Variants in MYMX observed in about 807,000 individuals in gnomAD.
MYMX encodes myomixer, myoblast fusion factor, also known as protein myomixer.
At chr6:44,204,307 T>C in the MYMX span, among the ~76,000 whole-genome samples, 13 of 152,002 alleles carry the variant, frequency 8.6e-5, no homozygotes, top group Non-Finnish European at 1.6e-4. Flanking sequence ...TTAAATAGGA[T>C]GGTTGGGTAA....
At chr6:44,198,288 G>A in the MYMX span, among the ~76,000 whole-genome samples, 3 of 137,352 alleles carry the variant, frequency 2.2e-5, no homozygotes, top group Non-Finnish European at 4.7e-5. Context: ...TCAGCCTCCC[G>A]AGTAGCTGGG....
At chr6:44,193,844 C>T in the MYMX span, among the ~76,000 whole-genome samples, 12 of 152,196 alleles carry the variant, frequency 7.9e-5, no homozygotes, top group East Asian at 1.9e-3. Flanking sequence ...GTTAGCCGGG[C>T]GTGGTGGCAC....
At chr6:44,215,907 TAATA>T (rs1453836608), upstream of MYMX, among the ~76,000 whole-genome samples, 1 of 151,938 alleles carries the variant, frequency 6.6e-6, no homozygotes, top group Non-Finnish European at 1.5e-5. Context: ...ATAATAATAA[TAATA>T]AATAAATAAA....
In MYMX at chr6:44,217,984, C is replaced by T. The variant is rs1186729990; in HGVS notation, c.*258C>T. 1 of 338,492 alleles carries T rather than the reference C, an allele frequency of 3.0e-6. No individual in the cohort carries two copies. Among genetic ancestry groups the T allele is most frequent in the African/African-American group, 2.1e-5 (1 of 47,410 alleles). 21.0% of individuals were successfully genotyped at this position (338,492 alleles called of 1,614,324 possible). A position where few individuals can be genotyped will look rare whatever the true frequency, so the allele number is the denominator to read the frequency against. ...TCCTCCCAAAGACCACTCCTAATCA[C>T]CTCTGGCCTCAGGCGGGAGGGGAAC... On this transcript the variant is annotated 3_prime_UTR_variant, in exon 2 of 2. Transcript: ENST00000573382.
At chr6:44,194,629 G>T in the MYMX span, among the ~76,000 whole-genome samples, 1 of 152,162 alleles carries the variant, frequency 6.6e-6, no homozygotes, top group African/African-American at 2.4e-5. Context: ...GGGTGGAAAG[G>T]GGTCAGCTCT....
chr6:44,200,306 TTTTTA>T, the MYMX span, among the ~76,000 whole-genome samples: 2 of 152,128 alleles, frequency 1.3e-5, no homozygotes, highest in South Asian at 2.1e-4. Flanking sequence ...TGCCTAGTTT[TTTTTA>T]TTTTATTTTA....
Position 44,217,607 on chromosome 6 carries a change from C to A in MYMX, c.136C>A (p.Arg46=), listed in dbSNP as rs1370240821. The A allele has an allele frequency of 1.2e-5, 5 of 401,604 alleles. No individual in the cohort carries two copies. Among genetic ancestry groups the A allele is most frequent in the African/African-American group, 1.0e-4 (5 of 48,738 alleles). 24.9% of individuals were successfully genotyped at this position (401,604 alleles called of 1,614,324 possible). ...CCGCCGCCTGGGCTCCCAGGACATG[C>A]GAGAGGCTTTGCTGGGCTGTCTGCT... ...LARRLGSQDM[R]EALLGCLLFI... The change falls in exon 2 of 2, where the codon CGA becomes AGA. Residue 46 remains arginine (R), a synonymous_variant. Coordinates refer to ENST00000573382, the MANE Select transcript of MYMX (RefSeq NM_001315494.2).
chr6:44,210,066 C>G, the MYMX span: 1 of 149,604 alleles, frequency 6.7e-6, no homozygotes, highest in Non-Finnish European at 1.5e-5. Flanking sequence ...CTGCCTCAGC[C>G]TCCCGAGTAG....
chr6:44,193,020 G>T, the MYMX span, among the ~76,000 whole-genome samples: 695 of 152,178 alleles, frequency 4.6e-3, 5 homozygotes, highest in African/African-American at 0.016. Flanking sequence ...GCCCCAGCTG[G>T]AATTGGAACC....
the MYMX span, among the ~76,000 whole-genome samples, chr6:44,211,788 T>TGTGTGTGTGTGTGTGTGTGTGTGTG: frequency 7.9e-6 from 1 of 126,382 alleles, no homozygotes; most frequent in South Asian, 2.6e-4. Flanking sequence ...CAGCTAGGTT[T>TGTGTGTGTGTGTGTGTGTGTGTGTG]TGTGTGTGTG....
chr6:44,205,986 A>AAC, the MYMX span, among the ~76,000 whole-genome samples: 2 of 141,622 alleles, frequency 1.4e-5, no homozygotes, highest in Non-Finnish European at 3.1e-5. Context: ...TCTCAAAAAA[A>AAC]AAAAAACAAA....
the MYMX span, among the ~76,000 whole-genome samples, chr6:44,208,004 G>C: frequency 1.3e-5 from 2 of 152,164 alleles, no homozygotes; most frequent in African/African-American, 4.8e-5. Flanking sequence ...GAGACAGGTG[G>C]ATTGCTTGAG....
chr6:44,211,788 TTGTG>T, the MYMX span, among the ~76,000 whole-genome samples: 297 of 126,428 alleles, frequency 2.3e-3, 1 homozygote, highest in Non-Finnish European at 2.4e-3. Context: ...CAGCTAGGTT[TTGTG>T]TGTGTGTGTG....
chr6:44,194,707 C>G, the MYMX span, among the ~76,000 whole-genome samples: 1 of 152,190 alleles, frequency 6.6e-6, no homozygotes, highest in African/African-American at 2.4e-5. Context: ...AAGAGGCCTG[C>G]CTGCCAGCAC....
At chr6:44,212,878 A>G (rs1775670795), upstream of MYMX, among the ~76,000 whole-genome samples, 1 of 149,144 alleles carries the variant, frequency 6.7e-6, no homozygotes, top group Non-Finnish European at 1.5e-5. Context: ...AAAAAAAAAC[A>G]AAACTTGACT....
Position 44,218,113 on chromosome 6 carries a change from C to T in MYMX, c.*387C>T, listed in dbSNP as rs1775983120. On this transcript the variant is annotated 3_prime_UTR_variant, in exon 2 of 2. Transcript: ENST00000573382. ...TTTAGCAGAGAGGCAAGATTTGAAT[C>T]CAGACTGTCTTCCAGACTCAGGACC... 1 of 170,402 alleles carries T rather than the reference C, an allele frequency of 5.9e-6. No homozygotes were observed. 10.6% of individuals were successfully genotyped at this position (170,402 alleles called of 1,614,324 possible).
the MYMX span, among the ~76,000 whole-genome samples, chr6:44,206,438 G>A: frequency 2.0e-5 from 3 of 152,010 alleles, no homozygotes; most frequent in Admixed American, 1.3e-4. Context: ...TGCTGTGTTG[G>A]CCAGGCTGGT....
chr6:44,196,872 C>T, the MYMX span, among the ~76,000 whole-genome samples: 2 of 152,132 alleles, frequency 1.3e-5, no homozygotes, highest in Middle Eastern at 3.2e-3. Context: ...GCAGAAGAAT[C>T]GCTTGAACCT....
chr6:44,211,823 T>TGTGTGTGTGTGTGTGTGTGTGTGTGTGTG, the MYMX span, among the ~76,000 whole-genome samples: 10 of 150,704 alleles, frequency 6.6e-5, no homozygotes, highest in East Asian at 7.8e-4. Flanking sequence ...TGTGTGTGTG[T>TGTGTGTGTGTGTGTGTGTGTGTGTGTGTG]TTAGTAGAGA....
Sources: gnomAD v4.1 joint callset for allele counts (sites outside exome capture counted in the v4.1 genomes callset) on GRCh38, gnomAD v4.1.1 for gene constraint, MANE v1.5 for transcripts, NCBI Gene and HGNC (gene_info 2026-07-23, HGNC 2026-07-21) for gene names.